KCND3: variants seen among roughly 807,000 people sequenced by gnomAD.
The protein encoded by KCND3 is potassium voltage-gated channel subfamily D member 3, also known as A-type voltage-gated potassium channel KCND3.
KCND3 carries 9 observed loss-of-function variants against 51.1 expected under a neutral mutation model. The observed-to-expected ratio is 0.18, with a 90% CI of 0.11 to 0.31. The LOEUF (loss-of-function observed/expected upper bound fraction) is 0.31, where lower values mean the gene tolerates loss of function less well. Ranked by LOEUF, KCND3 falls within the 10% of genes least tolerant of loss-of-function variation. The pLI, the probability that KCND3 is intolerant of heterozygous loss-of-function variation, is 1.00. For missense variants in KCND3, 526 were observed against 903.8 expected, an observed-to-expected ratio of 0.58 and a Z score of 5.36; for synonymous variants, 349 against 368.0, an observed-to-expected ratio of 0.95 and a Z score of 0.59.
intron 2 of KCND3, among the ~76,000 whole-genome samples, chr1:111,837,564 A>C (rs1667121430): frequency 6.6e-6 from 1 of 152,206 alleles, no homozygotes; most frequent in Non-Finnish European, 1.5e-5. Context: ...TGGACCAGGA[A>C]GTTTTGGCTC....
At position 111,775,827 on chromosome 1, in the gene KCND3, A is replaced by AGCCCCCCCC; in HGVS notation, c.*249_*250insGGGGGGGGC. On this transcript the variant is annotated 3_prime_UTR_variant, in exon 8 of 8. Transcript: ENST00000302127. ...CCCCCGGCCTATCCCCGACCCCCCC[A>AGCCCCCCCC]CCCTCCCTCCCTTCCTCTGGCCCCA... The AGCCCCCCCC allele has an allele frequency of 1.3e-5, 1 of 75,850 alleles. No homozygotes were observed. Among genetic ancestry groups the AGCCCCCCCC allele is most frequent in the Non-Finnish European group, 2.4e-5 (1 of 40,986 alleles). The allele number at this position is 75,850 out of a possible 1,614,324, so 4.7% of individuals were successfully genotyped here.
chr1:111,958,022 G>A (rs1673425560), intron 2 of KCND3, among the ~76,000 whole-genome samples: 1 of 152,106 alleles, frequency 6.6e-6, no homozygotes, highest in Admixed American at 6.5e-5. Flanking sequence ...CCACTGTCCT[G>A]CAACTCAGGG....
intron 2 of KCND3, among the ~76,000 whole-genome samples, chr1:111,870,210 A>G (rs1376182618): frequency 6.6e-6 from 1 of 152,244 alleles, no homozygotes; most frequent in Non-Finnish European, 1.5e-5. Context: ...CCAGCAAATG[A>G]TGGTGCCAGT....
At chr1:111,805,219 A>G (rs985004356) in intron 2 of KCND3, among the ~76,000 whole-genome samples, 1 of 145,976 alleles carries the variant, frequency 6.9e-6, no homozygotes, top group African/African-American at 2.8e-5. Flanking sequence ...ATCAACCCCA[A>G]CAGGGGGAAA....
At chr1:111,875,071 C>A (rs1056127124) in intron 2 of KCND3, among the ~76,000 whole-genome samples, 3 of 152,122 alleles carry the variant, frequency 2.0e-5, no homozygotes, top group Admixed American at 2.0e-4. Flanking sequence ...TCCAGAGGGG[C>A]CATGGTGGCT....
chr1:111,886,153 T>C (rs1669562467), intron 2 of KCND3, among the ~76,000 whole-genome samples: 2 of 152,208 alleles, frequency 1.3e-5, no homozygotes, highest in Non-Finnish European at 2.9e-5. Flanking sequence ...CTTGAGAGGT[T>C]CATGTGAAAA....
chr1:111,884,934 T>G (rs1396095380), intron 2 of KCND3, among the ~76,000 whole-genome samples: 1 of 152,120 alleles, frequency 6.6e-6, no homozygotes, highest in Non-Finnish European at 1.5e-5. Flanking sequence ...TCCTGTGCAT[T>G]GTGAAATGTT....
At chr1:111,816,611 C>A (rs180839748) in intron 2 of KCND3, among the ~76,000 whole-genome samples, 1 of 152,162 alleles carries the variant, frequency 6.6e-6, no homozygotes, top group Non-Finnish European at 1.5e-5. Context: ...TGTGGGTGGG[C>A]GCTTCTACTG....
intron 2 of KCND3, among the ~76,000 whole-genome samples, chr1:111,975,400 G>T (rs908751433): frequency 6.6e-6 from 1 of 152,136 alleles, no homozygotes; most frequent in Non-Finnish European, 1.5e-5. Flanking sequence ...TGTGGGAGCT[G>T]GTGAAGCTTG....
At position 111,773,448 on chromosome 1, in the gene KCND3, G is replaced by A. The variant is rs1470697997; in HGVS notation, c.*2629C>T. ...TTCTTTTTTTTTTTTTTGAGACGGA[G>A]TCTTGCTGTGTCACCTGGGCTGGAG... is the stretch of plus-strand genomic sequence containing the variant. On this transcript the variant is annotated 3_prime_UTR_variant, in exon 8 of 8. Coordinates refer to ENST00000302127, the MANE Select transcript of KCND3 (RefSeq NM_001378969.1). The A allele has an allele frequency of 7.9e-6, 1 of 125,796 alleles. No homozygotes were observed. Among genetic ancestry groups the A allele is most frequent in the Non-Finnish European group, 1.6e-5 (1 of 63,436 alleles). 7.8% of individuals were successfully genotyped at this position (125,796 alleles called of 1,614,324 possible).
At chr1:111,799,848 G>A (rs1257502563) in intron 2 of KCND3, among the ~76,000 whole-genome samples, 2 of 152,240 alleles carry the variant, frequency 1.3e-5, no homozygotes, top group Non-Finnish European at 2.9e-5. Context: ...CCACCTGTGG[G>A]ATAAAAACCA....
At position 111,886,782 on chromosome 1, in the gene KCND3, C is replaced by T. The variant is rs532657536; in HGVS notation, c.1106+94839G>A. On this transcript the variant is annotated intron_variant, in intron 2 of 7. Transcript: ENST00000302127. ...AGAAAGGAGGCTTACAGAGGTTAAGCAAACATGCCTGAGGTGACATGGCCA... is the reference window on the plus strand; with the variant it reads ...AGAAAGGAGGCTTACAGAGGTTAAGTAAACATGCCTGAGGTGACATGGCCA... Among the ~76,000 whole-genome samples the T allele has an allele frequency of 3.0e-4, 46 of 152,348 alleles. 1 individual carries two copies. The South Asian group carries it at 3.9e-3, about 13-fold the overall frequency.
At chr1:111,841,552 G>A (rs1667321755) in intron 2 of KCND3, among the ~76,000 whole-genome samples, 1 of 152,228 alleles carries the variant, frequency 6.6e-6, no homozygotes, top group Non-Finnish European at 1.5e-5. Context: ...GCAACTCAGA[G>A]CAAGTTAAAT....
intron 2 of KCND3, among the ~76,000 whole-genome samples, chr1:111,927,942 G>T (rs1671785623): frequency 6.6e-6 from 1 of 152,088 alleles, no homozygotes; most frequent in South Asian, 2.1e-4. Flanking sequence ...ACACAGGAGT[G>T]GCTCACTCCC....
Position 111,907,446 on chromosome 1 carries a change from C to T in KCND3, c.1106+74175G>A, listed in dbSNP as rs969889095. Among the ~76,000 whole-genome samples the T allele has an allele frequency of 5.3e-5, 8 of 152,168 alleles. No homozygotes were observed. The East Asian group carries it at 1.5e-3, about 29-fold the overall frequency. On this transcript the variant is annotated intron_variant, in intron 2 of 7. Transcript: ENST00000302127. ...GATCAACTGCCCTTGTATCGGCTGTCAGCTGTCATGACAAGAGGTAGGCCA... is the reference window on the plus strand; with the variant it reads ...GATCAACTGCCCTTGTATCGGCTGTTAGCTGTCATGACAAGAGGTAGGCCA...
chr1:111,788,029 G>A (rs925357655), intron 2 of KCND3, among the ~76,000 whole-genome samples: 4 of 152,206 alleles, frequency 2.6e-5, no homozygotes, highest in South Asian at 2.1e-4. Flanking sequence ...CTTTGGAACT[G>A]TGCTGGCTCC....
chr1:111,850,087 G>A (rs1221788976), intron 2 of KCND3, among the ~76,000 whole-genome samples: 1 of 152,108 alleles, frequency 6.6e-6, no homozygotes, highest in African/African-American at 2.4e-5. Context: ...GCTCCTTCCT[G>A]CTGCATCTTA....
intron 2 of KCND3, among the ~76,000 whole-genome samples, chr1:111,823,192 G>A (rs1246006640): frequency 2.0e-5 from 3 of 152,222 alleles, no homozygotes; most frequent in African/African-American, 7.2e-5. Context: ...AGGGTGTGGG[G>A]TGGGGAGAGG....
chr1:111,810,751 G>A (rs1444869857), intron 2 of KCND3, among the ~76,000 whole-genome samples: 1 of 152,162 alleles, frequency 6.6e-6, no homozygotes, highest in Non-Finnish European at 1.5e-5. Context: ...AAAGGCAAAG[G>A]AACACTCCAC....
Sources: allele counts gnomAD v4.1 joint callset (sites outside exome capture counted in the v4.1 genomes callset), GRCh38; gene constraint gnomAD v4.1.1; transcripts MANE v1.5; gene names NCBI Gene and HGNC (gene_info 2026-07-23, HGNC 2026-07-21).